Variants in SKI observed in about 807,000 individuals in gnomAD.
SKI encodes ski oncogene.
SKI carries 23 observed loss-of-function variants against 59.3 expected under a neutral mutation model. That is an observed-to-expected ratio of 0.39 (90% CI 0.28 to 0.55). The LOEUF (loss-of-function observed/expected upper bound fraction) is 0.55, where lower values mean the gene tolerates loss of function less well. Ranked by LOEUF, SKI falls within the 20% of genes least tolerant of loss-of-function variation. The pLI, the probability that SKI is intolerant of heterozygous loss-of-function variation, is 0.67. For synonymous variants in SKI, 673 were observed against 488.6 expected (o/e 1.38, Z -4.98); for missense variants, 1,017 against 1,038.9 (o/e 0.98, Z 0.29).
rs966649985 is a variant in SKI at position 2,268,851 on chromosome 1, C to G, written c.970-34127C>G. Among the ~76,000 whole-genome samples the G allele has an allele frequency of 7.0e-6, 1 of 143,798 alleles. No homozygotes were observed. Among genetic ancestry groups the G allele is most frequent in the African/African-American group, 2.5e-5 (1 of 40,182 alleles). The allele number at this position is 143,798 out of a possible 152,430, so 94.3% of individuals were successfully genotyped here. On this transcript the variant is annotated intron_variant, in intron 1 of 6. Coordinates refer to ENST00000378536, the MANE Select transcript of SKI (RefSeq NM_003036.4). The surrounding 1 kb of genome is among the most constrained non-coding windows in gnomAD (Gnocchi z 5.0). Reference sequence around the variant, plus strand: ...TGCTGCCGTATTCTGATTCCTTCTTCCCTCCCTCCCTCCCTTCTGCCTTTC... The same window carrying G: ...TGCTGCCGTATTCTGATTCCTTCTTGCCTCCCTCCCTCCCTTCTGCCTTTC...
chr1:2,237,721 CT>C (rs1024852524), intron 1 of SKI, among the ~76,000 whole-genome samples: 1 of 152,236 alleles, frequency 6.6e-6, no homozygotes, highest in Admixed American at 6.5e-5. Flanking sequence ...CTCTTGGTTT[CT>C]TTTTTTGGAA....
chr1:2,298,844 C>T (rs1298603719), intron 1 of SKI, among the ~76,000 whole-genome samples: 8 of 152,208 alleles, frequency 5.3e-5, no homozygotes, highest in South Asian at 2.1e-4. Context: ...GCTTCCAGGC[C>T]GTGGGCTCCT....
intron 1 of SKI, among the ~76,000 whole-genome samples, chr1:2,285,833 T>C (rs1485256740): frequency 2.0e-5 from 3 of 150,072 alleles, no homozygotes; most frequent in Non-Finnish European, 4.4e-5. Flanking sequence ...CCTAAAGTGC[T>C]GGGATTACAG....
chr1:2,245,133 G>A (rs1638964975), intron 1 of SKI, among the ~76,000 whole-genome samples: 2 of 151,754 alleles, frequency 1.3e-5, no homozygotes, highest in African/African-American at 2.4e-5. Flanking sequence ...GCCGCTTTCT[G>A]TTTCTGTGAC....
At chr1:2,283,043 G>T (rs1410836830) in intron 1 of SKI, among the ~76,000 whole-genome samples, 1 of 152,234 alleles carries the variant, frequency 6.6e-6, no homozygotes, top group Non-Finnish European at 1.5e-5. Context: ...GGCTGTGGGG[G>T]CGCAGGCATC....
intron 1 of SKI, among the ~76,000 whole-genome samples, chr1:2,272,470 C>T (rs1021687697): frequency 9.9e-5 from 15 of 152,082 alleles, no homozygotes; most frequent in African/African-American, 3.4e-4. Context: ...CAGCTCCCAG[C>T]GGCACTGAAT....
At chr1:2,283,772 T>C (rs6686375) in intron 1 of SKI, among the ~76,000 whole-genome samples, 96,410 of 152,154 alleles carry the variant, frequency 0.63, 31,722 homozygotes, top group African/African-American at 0.82. Context: ...GCCCCAAGGG[T>C]ACGGGAGGCC....
Position 2,229,209 on chromosome 1 carries a change from TCTA to T in SKI, c.446_448del (p.Tyr149del). 1 of 1,609,942 alleles carries T rather than the reference TCTA, an allele frequency of 6.2e-7. No homozygotes were observed. The highest frequency in any genetic ancestry group is 8.5e-7 in the Non-Finnish European group (1 of 1,178,678). On this transcript the variant is annotated inframe_deletion, in exon 1 of 7. Transcript: ENST00000378536. This position sits in a 1 kb window ranked among gnomAD's most constrained non-coding sequence, Gnocchi z 6.3. ...AACGCGGTGTGCGACGAGCTCCACA[TCTA>T]CTGCTCGCGCTGCACGGCCGACCAG...
intron 1 of SKI, among the ~76,000 whole-genome samples, chr1:2,252,229 G>C (rs1297789015): frequency 2.0e-5 from 3 of 152,196 alleles, no homozygotes; most frequent in Non-Finnish European, 2.9e-5. Flanking sequence ...GTAAAGAACG[G>C]GTCCATTCAT....
At chr1:2,258,102 C>T (rs576056227) in intron 1 of SKI, among the ~76,000 whole-genome samples, 26 of 152,242 alleles carry the variant, frequency 1.7e-4, no homozygotes, top group Non-Finnish European at 2.8e-4. Context: ...TGAAGAGGTA[C>T]TTTATAAAGG....
intron 1 of SKI, among the ~76,000 whole-genome samples, chr1:2,292,928 G>C (rs72643475): frequency 6.6e-6 from 1 of 152,174 alleles, no homozygotes; most frequent in Non-Finnish European, 1.5e-5. Flanking sequence ...TCTCCCAGCC[G>C]AGGATGTCGG....
intron 1 of SKI, among the ~76,000 whole-genome samples, chr1:2,235,399 C>T (rs1224295790): frequency 2.0e-5 from 3 of 152,158 alleles, no homozygotes; most frequent in Admixed American, 6.6e-5. Flanking sequence ...CTGGAGGGGT[C>T]GCCCCCACTG....
At chr1:2,244,036 G>C (rs138067987) in intron 1 of SKI, among the ~76,000 whole-genome samples, 2,004 of 152,096 alleles carry the variant, frequency 0.013, 35 homozygotes, top group African/African-American at 0.046. Context: ...CATGATCTCG[G>C]CTCATTGCAA....
At chr1:2,306,329 G>A (rs1203895043) in intron 6 of SKI, 79 bp downstream of exon 6, 1 of 1,314,968 alleles carries the variant, frequency 7.6e-7, no homozygotes, top group African/African-American at 1.5e-5. Context: ...GTCCTGCCCA[G>A]CCGGAAAGGC....
At chr1:2,280,354 T>TG (rs1310967126) in intron 1 of SKI, among the ~76,000 whole-genome samples, 1 of 150,128 alleles carries the variant, frequency 6.7e-6, no homozygotes, top group African/African-American at 2.5e-5. Flanking sequence ...CCAGCCTGAG[T>TG]GACAGAGCAA....
chr1:2,272,353 T>C (rs1335080064), intron 1 of SKI, among the ~76,000 whole-genome samples: 1 of 152,252 alleles, frequency 6.6e-6, no homozygotes, highest in Non-Finnish European at 1.5e-5. Context: ...ACCAGAGGTG[T>C]TGAGACCGTG....
At chr1:2,241,058 G>A (rs1021186141) in intron 1 of SKI, among the ~76,000 whole-genome samples, 2 of 152,218 alleles carry the variant, frequency 1.3e-5, no homozygotes, top group East Asian at 1.9e-4. Flanking sequence ...CTGCCTAAAC[G>A]TTGACACATG....
At position 2,310,144 on chromosome 1, in the gene SKI, G is replaced by A. The variant is rs1198994209; in HGVS notation, c.*3379G>A. On this transcript the variant is annotated 3_prime_UTR_variant, in exon 7 of 7. Coordinates refer to ENST00000378536, the MANE Select transcript of SKI (RefSeq NM_003036.4). ...AGAGCTTGGCATATTTATCTATTTC[G>A]CTGTGTACCTGTTAGTCCTTCCCCG... The A allele has an allele frequency of 3.3e-5, 5 of 151,794 alleles. No individual in the cohort carries two copies. The highest frequency in any genetic ancestry group is 7.3e-5 in the African/African-American group (3 of 41,292). The allele number at this position is 151,794 out of a possible 1,614,324, so 9.4% of individuals were successfully genotyped here. A position where few individuals can be genotyped will look rare whatever the true frequency, so the allele number is the denominator to read the frequency against.
chr1:2,245,269 C>G (rs554188483), intron 1 of SKI, among the ~76,000 whole-genome samples: 1 of 152,242 alleles, frequency 6.6e-6, no homozygotes, highest in African/African-American at 2.4e-5. Flanking sequence ...CAGTCTCCTT[C>G]CTTCTCAAGA....
Sources: gnomAD v4.1 joint callset for allele counts (sites outside exome capture counted in the v4.1 genomes callset) on GRCh38, gnomAD v4.1.1 for gene constraint, Gnocchi (gnomAD v3.1) non-coding constraint, MANE v1.5 for transcripts, NCBI Gene and HGNC (gene_info 2026-07-23, HGNC 2026-07-21) for gene names.